Variants in OSBP2 observed in about 807,000 individuals in gnomAD.
The protein encoded by OSBP2 is oxysterol binding protein 2.
In OSBP2, 66 loss-of-function variants were observed where a neutral mutation model predicts 96.0. The observed-to-expected ratio is 0.69, with a 90% CI of 0.56 to 0.84. OSBP2 has a LOEUF of 0.84. Ranked by LOEUF, OSBP2 falls within the 40% of genes least tolerant of loss-of-function variation. The probability of loss-of-function intolerance (pLI) is 0.00; values close to 1 mark genes in which losing one functional copy is unlikely to be tolerated. For missense variants in OSBP2, 1,038 were observed against 1,222.7 expected (o/e 0.85, Z 2.25); for synonymous variants, 525 against 520.9 (o/e 1.01, Z -0.11).
At position 30,695,083 on chromosome 22, in the gene OSBP2, C is replaced by T. The variant is rs1198531356; in HGVS notation, c.174C>T (p.Pro58=). The T allele has an allele frequency of 3.8e-6, 6 of 1,579,050 alleles. No individual in the cohort carries two copies. The highest frequency in any genetic ancestry group is 1.8e-5 in the Admixed American group (1 of 55,522). ...CCAAGCCCCAGCCCCAGCCCGTGCCCGAACCGGAGCGGGGACCGCTGTCAG... is the reference window on the plus strand; with the variant it reads ...CCAAGCCCCAGCCCCAGCCCGTGCCTGAACCGGAGCGGGGACCGCTGTCAG... ...PEPKPQPQPV[P]EPERGPLSEQ... Residue 58 remains proline (P), a synonymous_variant, in exon 1 of 14, where the codon CCC becomes CCT. Transcript: ENST00000332585.
At chr22:30,702,570 T>C (rs2145670743) in intron 1 of OSBP2, among the ~76,000 whole-genome samples, 1 of 152,248 alleles carries the variant, frequency 6.6e-6, no homozygotes, top group Middle Eastern at 3.4e-3. Context: ...GCCAAGATCA[T>C]GCCACTGCAA....
chr22:30,902,466 A>T (rs2040235391), intron 12 of OSBP2: 1 of 1,584,288 alleles, frequency 6.3e-7, no homozygotes, highest in African/African-American at 1.3e-5. Flanking sequence ...AACAAGATAA[A>T]GGTGGCTTTG....
chr22:30,699,962 T>C (rs1425097458), intron 1 of OSBP2, among the ~76,000 whole-genome samples: 2 of 151,942 alleles, frequency 1.3e-5, no homozygotes, highest in Non-Finnish European at 2.9e-5. Context: ...AAGATTCTTT[T>C]TTTCTTTTTT....
intron 2 of OSBP2, among the ~76,000 whole-genome samples, chr22:30,798,761 C>T (rs1046473483): frequency 6.6e-6 from 1 of 152,148 alleles, no homozygotes; most frequent in East Asian, 1.9e-4. Context: ...ACCTGTAATC[C>T]CAGCACTTTG....
At chr22:30,693,945 A>T, upstream of OSBP2, 1 of 892,638 alleles carries the variant, frequency 1.1e-6, no homozygotes, top group Non-Finnish European at 1.7e-6. Flanking sequence ...AGCCTGGGCT[A>T]CCGAGTGAGA....
At chr22:30,716,468 C>T (rs1242844202) in intron 1 of OSBP2, among the ~76,000 whole-genome samples, 2 of 150,680 alleles carry the variant, frequency 1.3e-5, no homozygotes, top group East Asian at 2.0e-4. Context: ...GACAGAGTCT[C>T]ACATGGTTGC....
chr22:30,738,375 C>T (rs1460097660), intron 1 of OSBP2, among the ~76,000 whole-genome samples: 4 of 152,082 alleles, frequency 2.6e-5, no homozygotes, highest in Non-Finnish European at 5.9e-5. Flanking sequence ...CTAAAAGTGT[C>T]AGGCTCCCAA....
intron 3 of OSBP2, among the ~76,000 whole-genome samples, chr22:30,883,428 C>A (rs1211369461): frequency 2.6e-5 from 4 of 152,222 alleles, no homozygotes; most frequent in Non-Finnish European, 5.9e-5. Context: ...GCACTCTGAG[C>A]CTTGAGACCA....
At chr22:30,726,595 G>C (rs1221949789) in intron 1 of OSBP2, among the ~76,000 whole-genome samples, 1 of 147,294 alleles carries the variant, frequency 6.8e-6, no homozygotes, top group Non-Finnish European at 1.5e-5. Flanking sequence ...ATGGATACCT[G>C]AGTAACAAAC....
Position 30,780,981 on chromosome 22 carries a change from A to AT in OSBP2, c.853+39623dup, listed in dbSNP as rs928198835. Among the ~76,000 whole-genome samples the AT allele has an allele frequency of 1.5e-4, 22 of 147,862 alleles. No individual in the cohort carries two copies. In the East Asian group the frequency reaches 1.6e-3, roughly 11 times the overall value. On this transcript the variant is annotated intron_variant, in intron 2 of 13. Coordinates refer to ENST00000332585, the MANE Select transcript of OSBP2 (RefSeq NM_030758.4). ...TACAGTTTTTATTTTAATATTTAAA[A>AT]TTTTTTTTTTTGAGACGGAGTTTCG... is the stretch of plus-strand genomic sequence containing the variant.
chr22:30,782,592 G>A (rs899650346), intron 2 of OSBP2, among the ~76,000 whole-genome samples: 2 of 152,148 alleles, frequency 1.3e-5, no homozygotes, highest in East Asian at 1.9e-4. Context: ...TGTTGCCTGC[G>A]TCACTAGTGT....
intron 2 of OSBP2, among the ~76,000 whole-genome samples, chr22:30,799,823 C>T (rs906275053): frequency 6.6e-6 from 1 of 152,212 alleles, no homozygotes; most frequent in Admixed American, 6.5e-5. Context: ...TTGTGGGTTT[C>T]TATTTGCCCT....
chr22:30,882,208 G>C (rs1231918086), intron 3 of OSBP2, among the ~76,000 whole-genome samples: 1 of 152,204 alleles, frequency 6.6e-6, no homozygotes, highest in Non-Finnish European at 1.5e-5. Flanking sequence ...GCTGGGCTCT[G>C]TTGCTTGGAC....
At chr22:30,737,786 C>T (rs1044247516) in intron 1 of OSBP2, among the ~76,000 whole-genome samples, 3 of 151,846 alleles carry the variant, frequency 2.0e-5, no homozygotes, top group South Asian at 2.1e-4. Flanking sequence ...GATCTCGGCT[C>T]ACCACAACCT....
At chr22:30,836,927 A>G (rs2038645487) in intron 2 of OSBP2, among the ~76,000 whole-genome samples, 1 of 152,170 alleles carries the variant, frequency 6.6e-6, no homozygotes, top group Non-Finnish European at 1.5e-5. Flanking sequence ...AACTCTTGTT[A>G]AGTGGGTGAA....
At chr22:30,751,019 G>T (rs1602213797) in intron 2 of OSBP2, among the ~76,000 whole-genome samples, 1 of 152,158 alleles carries the variant, frequency 6.6e-6, no homozygotes, top group East Asian at 1.9e-4. Flanking sequence ...GGGATTACAG[G>T]CGTGAGCCAC....
intron 2 of OSBP2, among the ~76,000 whole-genome samples, chr22:30,759,238 C>T (rs926033118): frequency 1.2e-4 from 19 of 152,148 alleles, no homozygotes; most frequent in Non-Finnish European, 2.1e-4. Context: ...ATCCCAGCTA[C>T]TCGGGAGGCT....
At chr22:30,805,578 A>G (rs1396363728) in intron 2 of OSBP2, among the ~76,000 whole-genome samples, 2 of 152,228 alleles carry the variant, frequency 1.3e-5, no homozygotes, top group African/African-American at 2.4e-5. Flanking sequence ...TGGGTGCTCA[A>G]TGTTATTCTA....
intron 1 of OSBP2, among the ~76,000 whole-genome samples, chr22:30,740,769 G>T (rs890734108): frequency 6.6e-6 from 1 of 152,144 alleles, no homozygotes; most frequent in Non-Finnish European, 1.5e-5. Flanking sequence ...GAGCCACCGC[G>T]CCTGGCCCCA....
Sources: gnomAD v4.1 joint callset for allele counts (sites outside exome capture counted in the v4.1 genomes callset) on GRCh38, gnomAD v4.1.1 for gene constraint, MANE v1.5 for transcripts, NCBI Gene and HGNC (gene_info 2026-07-23, HGNC 2026-07-21) for gene names.